The following ZSWIM6 variants were observed in gnomAD, a reference collection of about 807,000 sequenced individuals.
ZSWIM6 encodes the protein zinc finger SWIM-type containing 6.
ZSWIM6 carries 9 observed loss-of-function variants against 113.2 expected under a neutral mutation model. That is an observed-to-expected ratio of 0.08 (90% confidence interval 0.05 to 0.14). ZSWIM6 has a LOEUF of 0.14. Among genes scored for constraint, ZSWIM6 ranks in the 10% least tolerant of loss-of-function variants. The pLI is 1.00. For missense variants in ZSWIM6, 1,162 were observed against 1,552.2 expected (o/e 0.75, Z 4.22); for synonymous variants, 611 against 606.5 (o/e 1.01, Z -0.11).
intron 1 of ZSWIM6, among the ~76,000 whole-genome samples, chr5:61,385,213 G>A (rs1461260986): frequency 6.6e-6 from 1 of 152,160 alleles, no homozygotes; most frequent in Non-Finnish European, 1.5e-5. Context: ...ATGGTGTTTG[G>A]TATATTCTCT....
At chr5:61,417,286 C>T (rs1746277809) in intron 1 of ZSWIM6, among the ~76,000 whole-genome samples, 1 of 152,182 alleles carries the variant, frequency 6.6e-6, no homozygotes, top group East Asian at 1.9e-4. Context: ...GAAGATCCTG[C>T]CTCAATATAT....
chr5:61,537,266 A>G (rs1013725847), intron 10 of ZSWIM6, among the ~76,000 whole-genome samples: 15 of 152,230 alleles, frequency 9.9e-5, no homozygotes, highest in African/African-American at 3.6e-4. Context: ...GGGGAATACT[A>G]GCAGGGTACA....
In ZSWIM6 at chr5:61,492,888, G is replaced by T. The variant is rs562361825; in HGVS notation, c.1183-1372G>T. Among the ~76,000 whole-genome samples, 15 of 152,118 alleles carry T rather than the reference G, an allele frequency of 9.9e-5. No homozygotes were observed. The South Asian group carries it at 1.5e-3, about 15-fold the overall frequency. On this transcript the variant is annotated intron_variant, in intron 3 of 13. Transcript: ENST00000252744. ...TTCTCCTTTCCTTGCCTTTCACATA[G>T]AGAGTCCTGAAAGAAGGACCAACCA...
At chr5:61,442,347 T>C (rs1746857512) in intron 1 of ZSWIM6, among the ~76,000 whole-genome samples, 1 of 152,218 alleles carries the variant, frequency 6.6e-6, no homozygotes, top group Non-Finnish European at 1.5e-5. Flanking sequence ...CCCTTTTTAT[T>C]GATCAATTCA....
At position 61,526,146 on chromosome 5, in the gene ZSWIM6, G is replaced by C. The variant is rs1169605863; in HGVS notation, c.1691-104G>C. The C allele has an allele frequency of 2.6e-5, 37 of 1,442,028 alleles. No individual in the cohort carries two copies. In the East Asian group the frequency reaches 9.2e-4, roughly 36 times the overall value. 89.3% of individuals were successfully genotyped at this position (1,442,028 alleles called of 1,614,324 possible). A position where few individuals can be genotyped will look rare whatever the true frequency, so the allele number is the denominator to read the frequency against. ...AATCCAAGTTCAGGAATGGTTTCTT[G>C]TGTCTTTTTAATAGTATTTTGGGAG... On this transcript the variant is annotated intron_variant, in intron 6 of 13. Transcript: ENST00000252744.
At chr5:61,499,610 G>A (rs969354699) in intron 4 of ZSWIM6, among the ~76,000 whole-genome samples, 1 of 152,178 alleles carries the variant, frequency 6.6e-6, no homozygotes, top group Non-Finnish European at 1.5e-5. Context: ...TTATGGAGGT[G>A]TGTTGCAGGG....
chr5:61,503,191 A>G (rs765541276), intron 4 of ZSWIM6, among the ~76,000 whole-genome samples: 2 of 152,212 alleles, frequency 1.3e-5, no homozygotes, highest in Non-Finnish European at 2.9e-5. Context: ...GTAAAATGCT[A>G]GAGCCTTCTG....
At chr5:61,401,544 G>A (rs1426517437) in intron 1 of ZSWIM6, among the ~76,000 whole-genome samples, 1 of 152,022 alleles carries the variant, frequency 6.6e-6, no homozygotes, top group Non-Finnish European at 1.5e-5. Flanking sequence ...TGAGGTATAT[G>A]AGATAGGTTA....
At chr5:61,379,319 G>A (rs1005044737) in intron 1 of ZSWIM6, among the ~76,000 whole-genome samples, 1 of 151,814 alleles carries the variant, frequency 6.6e-6, no homozygotes, top group Admixed American at 6.6e-5. Context: ...GCTAGACCTC[G>A]TGTAGGGAAA....
chr5:61,400,215 CTA>C (rs1226456918), intron 1 of ZSWIM6, among the ~76,000 whole-genome samples: 1 of 152,268 alleles, frequency 6.6e-6, no homozygotes, highest in African/African-American at 2.4e-5. Flanking sequence ...AGTCCTAATT[CTA>C]TGTTTTTCAT....
chr5:61,447,062 A>C (rs2112153481), intron 1 of ZSWIM6, among the ~76,000 whole-genome samples: 1 of 152,250 alleles, frequency 6.6e-6, no homozygotes, highest in Non-Finnish European at 1.5e-5. Context: ...CAGACTCCAA[A>C]GAATTCTGGG....
chr5:61,351,037 T>TA (rs1410090668), intron 1 of ZSWIM6, among the ~76,000 whole-genome samples: 1 of 152,200 alleles, frequency 6.6e-6, no homozygotes, highest in African/African-American at 2.4e-5. Context: ...AACATTGTTT[T>TA]AAAAAAATCT....
chr5:61,510,691 A>G (rs754331269), intron 4 of ZSWIM6, among the ~76,000 whole-genome samples: 2 of 152,158 alleles, frequency 1.3e-5, no homozygotes, highest in Non-Finnish European at 2.9e-5. Flanking sequence ...CACACCAGCA[A>G]TTTGATAATA....
At chr5:61,477,198 A>T (rs995501053) in intron 2 of ZSWIM6, among the ~76,000 whole-genome samples, 1 of 152,120 alleles carries the variant, frequency 6.6e-6, no homozygotes, top group Non-Finnish European at 1.5e-5. Flanking sequence ...GGACAGTCTG[A>T]TGGGAAACTG....
At chr5:61,379,207 AAAG>A (rs1217926625) in intron 1 of ZSWIM6, among the ~76,000 whole-genome samples, 26 of 151,652 alleles carry the variant, frequency 1.7e-4, no homozygotes, top group African/African-American at 5.6e-4. Flanking sequence ...AAAAAAAAAA[AAAG>A]AATGTAAAAA....
chr5:61,408,982 AC>A (rs1480540056), intron 1 of ZSWIM6, among the ~76,000 whole-genome samples: 3 of 149,790 alleles, frequency 2.0e-5, no homozygotes, highest in African/African-American at 7.4e-5. Flanking sequence ...GACTGACCCG[AC>A]CGCGCAGAGG....
At chr5:61,361,555 G>A (rs1023473894) in intron 1 of ZSWIM6, among the ~76,000 whole-genome samples, 15 of 152,214 alleles carry the variant, frequency 9.9e-5, no homozygotes, top group African/African-American at 3.4e-4. Flanking sequence ...TTAAGACCAA[G>A]AGTACTGACA....
At chr5:61,346,229 C>T (rs945403603) in intron 1 of ZSWIM6, among the ~76,000 whole-genome samples, 3 of 152,148 alleles carry the variant, frequency 2.0e-5, no homozygotes, top group South Asian at 4.1e-4. Flanking sequence ...GAATTATAGG[C>T]GGTAGCCACC....
intron 1 of ZSWIM6, among the ~76,000 whole-genome samples, chr5:61,459,430 G>T (rs1747277896): frequency 6.6e-6 from 1 of 152,120 alleles, no homozygotes; most frequent in Non-Finnish European, 1.5e-5. Flanking sequence ...TTCTATTTGT[G>T]TATAGTAGTA....
Sources: allele counts gnomAD v4.1 joint callset (sites outside exome capture counted in the v4.1 genomes callset), GRCh38; gene constraint gnomAD v4.1.1; transcripts MANE v1.5; gene names NCBI Gene and HGNC (gene_info 2026-07-23, HGNC 2026-07-21).